The following ATRNL1 variants were observed in gnomAD, a reference collection of about 807,000 sequenced individuals.
The protein encoded by ATRNL1 is attractin-like protein 1.
A neutral mutation model predicts 182.7 loss-of-function variants in ATRNL1; 95 were observed. That is an observed-to-expected ratio of 0.52 (90% CI 0.44 to 0.62). The LOEUF is 0.62. Among genes scored for constraint, ATRNL1 ranks in the 20% least tolerant of loss-of-function variants. The probability of loss-of-function intolerance (pLI) is 0.00; values close to 1 mark genes in which losing one functional copy is unlikely to be tolerated. For missense variants in ATRNL1, 1,471 were observed against 1,679.5 expected, an observed-to-expected ratio of 0.88 and a Z score of 2.17; for synonymous variants, 576 against 568.3, an observed-to-expected ratio of 1.01 and a Z score of -0.19.
In ATRNL1 at chr10:115,832,106, G is replaced by T. The variant is rs79749519; in HGVS notation, c.3904-15771G>T. Among the ~76,000 whole-genome samples, 1,228 of 152,282 alleles carry T rather than the reference G, an allele frequency of 8.1e-3. 8 individuals carry two copies. The highest frequency in any genetic ancestry group is 0.014 in the Non-Finnish European group (929 of 68,012). ...GTCATAGAAAATTTGAGGGTTATTG[G>T]TTGCCAGAATTGGCAAAATTAATTT... On this transcript the variant is annotated intron_variant, in intron 27 of 28. Transcript: ENST00000355044.
chr10:115,129,265 T>G (rs1845117431), intron 4 of ATRNL1, 62 bp from the exon 5 acceptor site: 3 of 1,300,680 alleles, frequency 2.3e-6, no homozygotes, highest in Non-Finnish European at 3.3e-6. Flanking sequence ...GTTTATGATG[T>G]ATCAACCAAA....
intron 26 of ATRNL1, among the ~76,000 whole-genome samples, chr10:115,557,986 A>G (rs943111981): frequency 3.3e-5 from 5 of 151,830 alleles, no homozygotes; most frequent in African/African-American, 4.8e-5. Flanking sequence ...CAGAGGTTGC[A>G]GTGAGCCGAG....
At chr10:115,642,505 G>A (rs1403685282) in intron 26 of ATRNL1, among the ~76,000 whole-genome samples, 2 of 151,364 alleles carry the variant, frequency 1.3e-5, no homozygotes, top group Non-Finnish European at 2.9e-5. Flanking sequence ...GTGCAATGGA[G>A]CAATCTTGGC....
At chr10:115,336,842 G>A (rs1855501524) in intron 19 of ATRNL1, among the ~76,000 whole-genome samples, 1 of 151,208 alleles carries the variant, frequency 6.6e-6, no homozygotes. Context: ...GCAACTGTCT[G>A]ATTTTTTTTT....
intron 28 of ATRNL1, among the ~76,000 whole-genome samples, chr10:115,916,999 A>G (rs1400287544): frequency 3.9e-5 from 6 of 152,198 alleles, no homozygotes; most frequent in African/African-American, 7.2e-5. Context: ...CACTTTTGCA[A>G]TACAAGTGAA....
chr10:115,717,171 T>C (rs897126586), intron 26 of ATRNL1, among the ~76,000 whole-genome samples: 4 of 152,162 alleles, frequency 2.6e-5, no homozygotes, highest in Non-Finnish European at 4.4e-5. Flanking sequence ...TTCATTGTAT[T>C]TGAGATTAAC....
intron 27 of ATRNL1, among the ~76,000 whole-genome samples, chr10:115,817,296 G>GA (rs1362532630): frequency 1.3e-5 from 2 of 151,746 alleles, no homozygotes; most frequent in Non-Finnish European, 2.9e-5. Context: ...AAATTTTTCG[G>GA]AAAAAAATCA....
intron 27 of ATRNL1, among the ~76,000 whole-genome samples, chr10:115,746,424 A>G (rs1948293559): frequency 6.6e-6 from 1 of 152,092 alleles, no homozygotes; most frequent in Admixed American, 6.6e-5. Flanking sequence ...GAAAATCATT[A>G]TACCTGAATG....
intron 24 of ATRNL1, among the ~76,000 whole-genome samples, chr10:115,500,812 A>AT (rs1565107793): frequency 6.7e-6 from 1 of 149,516 alleles, no homozygotes; most frequent in Non-Finnish European, 1.5e-5. Flanking sequence ...GAGAGCTGGG[A>AT]TTACAGGTGT....
intron 25 of ATRNL1, 131 bp downstream of exon 25, chr10:115,519,455 A>G (rs1352007740): frequency 1.4e-6 from 1 of 709,206 alleles, no homozygotes; most frequent in Non-Finnish European, 2.4e-6. Flanking sequence ...ATAGCTTTAT[A>G]TGCTTAAATA....
intron 28 of ATRNL1, among the ~76,000 whole-genome samples, chr10:115,871,453 G>T (rs1358965628): frequency 7.9e-6 from 1 of 126,660 alleles, no homozygotes; most frequent in East Asian, 2.3e-4. Flanking sequence ...GTCCTAGAAA[G>T]GCCTGGTCAG....
chr10:115,275,610 T>A (rs950603337), intron 13 of ATRNL1, among the ~76,000 whole-genome samples: 1 of 152,178 alleles, frequency 6.6e-6, no homozygotes, highest in African/African-American at 2.4e-5. Context: ...ATCCAATTAT[T>A]CCTGTTGCAT....
intron 19 of ATRNL1, among the ~76,000 whole-genome samples, chr10:115,383,927 A>G (rs1328302122): frequency 6.6e-6 from 1 of 151,976 alleles, no homozygotes; most frequent in Non-Finnish European, 1.5e-5. Context: ...CCTTTAAGTA[A>G]TTGCACTTGA....
intron 19 of ATRNL1, among the ~76,000 whole-genome samples, chr10:115,392,382 C>T (rs1451440186): frequency 6.6e-6 from 1 of 152,078 alleles, no homozygotes; most frequent in African/African-American, 2.4e-5. Context: ...CTCAGACTCA[C>T]TCTTAGTTAA....
At chr10:115,453,789 G>C (rs1254344656) in intron 21 of ATRNL1, among the ~76,000 whole-genome samples, 1 of 138,902 alleles carries the variant, frequency 7.2e-6, no homozygotes, top group Admixed American at 7.4e-5. Context: ...ACACTCTGGG[G>C]ACTGTTGTGG....
intron 27 of ATRNL1, among the ~76,000 whole-genome samples, chr10:115,843,015 A>G (rs1276817381): frequency 6.6e-6 from 1 of 152,134 alleles, no homozygotes; most frequent in Admixed American, 6.6e-5. Context: ...TATCCCTTTA[A>G]TATCCACAAT....
At chr10:115,361,779 T>A (rs114435110) in intron 19 of ATRNL1, among the ~76,000 whole-genome samples, 1 of 152,048 alleles carries the variant, frequency 6.6e-6, no homozygotes, top group Non-Finnish European at 1.5e-5. Flanking sequence ...TATAGCACTC[T>A]TGGCCCTTTG....
chr10:115,936,105 C>T (rs1004452145), intron 28 of ATRNL1, among the ~76,000 whole-genome samples: 1 of 152,196 alleles, frequency 6.6e-6, no homozygotes, highest in Non-Finnish European at 1.5e-5. Flanking sequence ...CTGATTTTTG[C>T]ATGAATGAAT....
At chr10:115,648,318 T>A (rs1262387770) in intron 26 of ATRNL1, among the ~76,000 whole-genome samples, 2 of 152,118 alleles carry the variant, frequency 1.3e-5, no homozygotes, top group Non-Finnish European at 2.9e-5. Flanking sequence ...CACAAACAAA[T>A]GAAGGAAGAT....
Sources: gnomAD v4.1 joint callset for allele counts (sites outside exome capture counted in the v4.1 genomes callset) on GRCh38, gnomAD v4.1.1 for gene constraint, MANE v1.5 for transcripts, NCBI Gene and HGNC (gene_info 2026-07-23, HGNC 2026-07-21) for gene names.